KIAA1328: variants seen among roughly 807,000 people sequenced by gnomAD.
KIAA1328 encodes the protein KIAA1328.
In KIAA1328, 52 loss-of-function variants were observed where a neutral mutation model predicts 68.1. That is an observed-to-expected ratio of 0.76 (90% CI 0.61 to 0.96). KIAA1328 has a LOEUF of 0.96. Among genes scored for constraint, KIAA1328 ranks in the 40% least tolerant of loss-of-function variants. The pLI is 0.00. For missense variants in KIAA1328, 641 were observed against 677.6 expected, an observed-to-expected ratio of 0.95 and a Z score of 0.60; for synonymous variants, 232 against 239.4, an observed-to-expected ratio of 0.97 and a Z score of 0.28.
At chr18:36,920,943 T>C (rs146257763) in intron 5 of KIAA1328, 6 of 152,406 alleles carry the variant, frequency 3.9e-5, no homozygotes, top group Non-Finnish European at 8.8e-5. Context: ...CATGCCAGTC[T>C]CTCTGCGTAA....
At chr18:37,225,381 A>G, downstream of KIAA1328, 3 of 874,938 alleles carry the variant, frequency 3.4e-6, no homozygotes, top group Non-Finnish European at 4.1e-6. Flanking sequence ...TCATCAGATC[A>G]GTGAGGCATA....
chr18:37,087,777 T>C (rs1319938451), intron 7 of KIAA1328, among the ~76,000 whole-genome samples: 1 of 152,170 alleles, frequency 6.6e-6, no homozygotes, highest in Non-Finnish European at 1.5e-5. Flanking sequence ...AAGCATTATT[T>C]AACTTTCATG....
chr18:36,996,747 C>T (rs952625948), intron 6 of KIAA1328, among the ~76,000 whole-genome samples: 1 of 152,122 alleles, frequency 6.6e-6, no homozygotes, highest in African/African-American at 2.4e-5. Context: ...AAAATACCTT[C>T]TTTCTTTTGC....
At chr18:37,098,895 G>A (rs1309101382) in intron 7 of KIAA1328, among the ~76,000 whole-genome samples, 1 of 152,112 alleles carries the variant, frequency 6.6e-6, no homozygotes, top group South Asian at 2.1e-4. Context: ...ATTGTAGTTT[G>A]TATTTCTGTG....
At chr18:37,035,492 A>G (rs1283629691) in intron 6 of KIAA1328, among the ~76,000 whole-genome samples, 1 of 152,206 alleles carries the variant, frequency 6.6e-6, no homozygotes, top group Non-Finnish European at 1.5e-5. Context: ...AGTCTTTTAC[A>G]TGCAGTTTTA....
intron 5 of KIAA1328, among the ~76,000 whole-genome samples, chr18:36,889,613 T>C (rs1390980202): frequency 6.6e-6 from 1 of 152,236 alleles, no homozygotes; most frequent in Non-Finnish European, 1.5e-5. Context: ...TGAACTTCTC[T>C]GAGTCTTTTG....
chr18:36,868,992 G>A (rs147110539), intron 4 of KIAA1328, among the ~76,000 whole-genome samples: 122 of 148,926 alleles, frequency 8.2e-4, no homozygotes, highest in African/African-American at 2.7e-3. Flanking sequence ...CATTGATTGC[G>A]TACAATATGA....
At chr18:36,895,774 A>G (rs72887036) in intron 5 of KIAA1328, 68,859 of 455,650 alleles carry the variant, frequency 0.15, 6,126 homozygotes, top group Non-Finnish European at 0.18. Flanking sequence ...TTAGGAGGCA[A>G]TTAAGGTTAA....
chr18:37,069,821 A>G (rs555485355), intron 7 of KIAA1328, among the ~76,000 whole-genome samples: 4 of 151,862 alleles, frequency 2.6e-5, no homozygotes, highest in South Asian at 2.1e-4. Context: ...TCTGTTTTCA[A>G]TTTCATTGAT....
chr18:36,989,781 G>A (rs549700228), intron 6 of KIAA1328, among the ~76,000 whole-genome samples: 9 of 151,892 alleles, frequency 5.9e-5, no homozygotes, highest in Non-Finnish European at 1.0e-4. Flanking sequence ...TTCAAGCTCC[G>A]CCCCCCGGGT....
At chr18:36,902,325 A>T (rs1379685671) in intron 5 of KIAA1328, 1 of 152,102 alleles carries the variant, frequency 6.6e-6, no homozygotes, top group South Asian at 2.1e-4. Flanking sequence ...TCACCAAAAA[A>T]TACCATTTAC....
rs1426663451 is a variant in KIAA1328 at position 37,067,184 on chromosome 18, C to A, written c.871C>A (p.His291Asn). 6.2e-7 allele frequency: 1 copy of A among 1,613,972 alleles called. No homozygotes were observed. The highest frequency in any genetic ancestry group is 1.1e-5 in the South Asian group (1 of 91,086). The change falls in exon 7 of 10, where the codon CAC (histidine) becomes AAC (asparagine). Residue 291 changes from histidine to asparagine, a missense_variant. Transcript: ENST00000280020. ...AGAGAAAATGCCACAAGAAGAATTGCACATGAAGGAATGTCCACATCTTAA... is the reference window on the plus strand; with the variant it reads ...AGAGAAAATGCCACAAGAAGAATTGAACATGAAGGAATGTCCACATCTTAA... ...PTEKMPQEEL[H>N]MKECPHLKPT...
intron 5 of KIAA1328, among the ~76,000 whole-genome samples, chr18:36,904,681 A>G (rs907443285): frequency 4.6e-5 from 7 of 152,082 alleles, no homozygotes; most frequent in African/African-American, 1.4e-4. Flanking sequence ...TCTGACATCT[A>G]TACTTTTAAT....
At chr18:37,104,269 G>C (rs990766831) in intron 7 of KIAA1328, among the ~76,000 whole-genome samples, 23 of 152,128 alleles carry the variant, frequency 1.5e-4, no homozygotes, top group Non-Finnish European at 4.4e-5. Context: ...ATCAACCTGT[G>C]TCCATCATCA....
chr18:36,945,341 A>T (rs943874543), intron 5 of KIAA1328, among the ~76,000 whole-genome samples: 2 of 151,932 alleles, frequency 1.3e-5, no homozygotes, highest in East Asian at 1.9e-4. Flanking sequence ...TGTTCATAAA[A>T]TTTTTTTTGC....
At chr18:37,141,216 C>T (rs995203682) in intron 7 of KIAA1328, among the ~76,000 whole-genome samples, 1 of 152,124 alleles carries the variant, frequency 6.6e-6, no homozygotes, top group African/African-American at 2.4e-5. Context: ...ATTCATCACC[C>T]CACAAAGCAC....
intron 7 of KIAA1328, among the ~76,000 whole-genome samples, chr18:37,137,877 T>A (rs529483620): frequency 2.6e-5 from 4 of 152,274 alleles, no homozygotes; most frequent in Admixed American, 2.6e-4. Context: ...TCCAAACCTG[T>A]CCTTATAACT....
At chr18:36,930,197 G>T (rs1007809430) in intron 5 of KIAA1328, among the ~76,000 whole-genome samples, 3 of 152,118 alleles carry the variant, frequency 2.0e-5, no homozygotes, top group African/African-American at 7.3e-5. Flanking sequence ...GAAAATTTCA[G>T]CTGTTTTATT....
chr18:36,973,270 A>G (rs1378673961), intron 6 of KIAA1328, among the ~76,000 whole-genome samples: 2 of 151,908 alleles, frequency 1.3e-5, no homozygotes, highest in African/African-American at 4.8e-5. Context: ...TGGGAATTGA[A>G]CAATGAGAAC....
Sources: gnomAD v4.1 joint callset for allele counts (sites outside exome capture counted in the v4.1 genomes callset) on GRCh38, gnomAD v4.1.1 for gene constraint, MANE v1.5 for transcripts, NCBI Gene and HGNC (gene_info 2026-07-23, HGNC 2026-07-21) for gene names.